PTPN11: variants seen among roughly 807,000 people sequenced by gnomAD.
PTPN11 encodes tyrosine-protein phosphatase non-receptor type 11.
A neutral mutation model predicts 78.8 loss-of-function variants in PTPN11; 6 were observed. That is an observed-to-expected ratio of 0.08 (90% confidence interval 0.04 to 0.15). PTPN11 has a LOEUF of 0.15. Ranked by LOEUF, PTPN11 falls within the 10% of genes least tolerant of loss-of-function variation. PTPN11 has a pLI of 1.00. For synonymous variants in PTPN11, 221 were observed against 263.5 expected, an observed-to-expected ratio of 0.84 and a Z score of 1.56; for missense variants, 386 against 744.8, an observed-to-expected ratio of 0.52 and a Z score of 5.61.
Position 112,477,656 on chromosome 12 carries a change from C to A in PTPN11, c.859C>A (p.His287Asn). Residue 287 changes from histidine to asparagine, a missense_variant, in exon 8 of 16, where the codon CAT becomes AAT. His to Asn is a moderately conservative substitution (Grantham distance 68). This residue lies in a region of PTPN11 where 279 missense variants were observed against 503.3 expected (regional missense o/e 0.55). Coordinates refer to ENST00000351677, the MANE Select transcript of PTPN11 (RefSeq NM_002834.5). Reference protein sequence around the residue: ...NRYKNILPFDHTRVVLHDGDP... With the variant: ...NRYKNILPFDNTRVVLHDGDP... Reference sequence around the variant, plus strand: ...GTGGTCTCTTTTTCTTCTAGTTGATCATACCAGGGTTGTCCTACACGATGG... The same window carrying A: ...GTGGTCTCTTTTTCTTCTAGTTGATAATACCAGGGTTGTCCTACACGATGG... 1 of 1,610,754 alleles carries A rather than the reference C, an allele frequency of 6.2e-7. No homozygotes were observed. Among genetic ancestry groups the A allele is most frequent in the South Asian group, 1.1e-5 (1 of 90,976 alleles).
rs970409264 is a variant in PTPN11 at position 112,504,836 on chromosome 12, T to C, written c.*32+40T>C. 90 of 1,269,742 alleles carry C rather than the reference T, an allele frequency of 7.1e-5. No individual in the cohort carries two copies. Among genetic ancestry groups the C allele is most frequent in the Non-Finnish European group, 7.2e-5 (63 of 879,668 alleles). The allele number at this position is 1,269,742 out of a possible 1,614,324, so 78.7% of individuals were successfully genotyped here. ...GTGCTCTATTGGTTAATTGTTTATATAATTGGCAGTATTTTTAAGCAGGCA... is the reference window on the plus strand; with the variant it reads ...GTGCTCTATTGGTTAATTGTTTATACAATTGGCAGTATTTTTAAGCAGGCA... On this transcript the variant is annotated intron_variant, in intron 15 of 15. Coordinates refer to ENST00000351677, the MANE Select transcript of PTPN11 (RefSeq NM_002834.5). The surrounding 1 kb of genome is among the most constrained non-coding windows in gnomAD (Gnocchi z 4.7).
At chr12:112,503,848 T>A (rs1402813204) in intron 14 of PTPN11, among the ~76,000 whole-genome samples, 1 of 152,164 alleles carries the variant, frequency 6.6e-6, no homozygotes, top group Non-Finnish European at 1.5e-5. Flanking sequence ...CTGGGTTCCT[T>A]ACTCTCCTGG....
At chr12:112,468,711 G>T (rs1392917844) in intron 6 of PTPN11, among the ~76,000 whole-genome samples, 1 of 152,162 alleles carries the variant, frequency 6.6e-6, no homozygotes, top group Non-Finnish European at 1.5e-5. Context: ...CATCTTGACT[G>T]TGCACTGTTC....
chr12:112,471,338 C>T (rs1400942930), intron 6 of PTPN11, among the ~76,000 whole-genome samples: 6 of 151,388 alleles, frequency 4.0e-5, no homozygotes, highest in Admixed American at 4.0e-4. Flanking sequence ...TCCCATTAAA[C>T]ACTAGGCTTT....
Position 112,468,283 on chromosome 12 carries a change from G to A in PTPN11, c.757-4661G>A, listed in dbSNP as rs77664489. ...CCTAGGGACTGCTGGTGGGAGGGAG[G>A]TTGTGGAAGATAAACCCTGACAGGA... On this transcript the variant is annotated intron_variant, in intron 6 of 15. Transcript: ENST00000351677. Among the ~76,000 whole-genome samples the A allele has an allele frequency of 5.9e-3, 893 of 152,286 alleles. 11 individuals carry two copies. The highest frequency in any genetic ancestry group is 0.02 in the African/African-American group (842 of 41,556).
chr12:112,493,545 T>C (rs1247617726), intron 13 of PTPN11, among the ~76,000 whole-genome samples: 1 of 151,768 alleles, frequency 6.6e-6, no homozygotes, highest in Non-Finnish European at 1.5e-5. Flanking sequence ...CCCGCCACCA[T>C]GCCTGGCTAA....
At chr12:112,424,589 A>G (rs2037576314) in intron 1 of PTPN11, among the ~76,000 whole-genome samples, 1 of 152,106 alleles carries the variant, frequency 6.6e-6, no homozygotes. Context: ...GTTTTTGTTT[A>G]TTGCCTTGTC....
At chr12:112,473,808 G>T (rs547541765) in intron 7 of PTPN11, among the ~76,000 whole-genome samples, 283 of 151,542 alleles carry the variant, frequency 1.9e-3, no homozygotes, top group Non-Finnish European at 2.4e-3. Context: ...ATGTGCCATT[G>T]CACTCCAGCC....
At position 112,424,956 on chromosome 12, in the gene PTPN11, TTGTGTGTGTGTGTGTGTGTGTG is replaced by T. The variant is rs34463047; in HGVS notation, c.14+5863_14+5884del. 9.9e-3 allele frequency among the ~76,000 whole-genome samples: 881 copies of T among 89,084 alleles called. 12 individuals are homozygous for T. Among genetic ancestry groups the T allele is most frequent in the African/African-American group, 0.025 (589 of 23,542 alleles). The allele number at this position is 89,084 out of a possible 152,430, so 58.4% of individuals were successfully genotyped here. The stretch of plus-strand genomic sequence containing the variant: ...GGCACACACCACCATGTCAGGCTAA[TTGTGTGTGTGTGTGTGTGTGTG>T]TGTGTGTGTGTGTGTGTGTGTGTGT... On this transcript the variant is annotated intron_variant, in intron 1 of 15. Coordinates refer to ENST00000351677, the MANE Select transcript of PTPN11 (RefSeq NM_002834.5).
Position 112,508,543 on chromosome 12 carries a change from G to A in PTPN11, c.*2751G>A, listed in dbSNP as rs2038963496. ...AAGTCGGTGTGACAGACACATGGATGCCATCTACTTCTAGGTTGCTGGTGG... is the reference window on the plus strand; with the variant it reads ...AAGTCGGTGTGACAGACACATGGATACCATCTACTTCTAGGTTGCTGGTGG... On this transcript the variant is annotated 3_prime_UTR_variant, in exon 16 of 16. Transcript: ENST00000351677. 2.0e-5 allele frequency: 3 copies of A among 152,338 alleles called. No individual in the cohort carries two copies. The highest frequency in any genetic ancestry group is 7.2e-5 in the African/African-American group (3 of 41,454). 9.4% of individuals were successfully genotyped at this position (152,338 alleles called of 1,614,324 possible).
intron 6 of PTPN11, among the ~76,000 whole-genome samples, chr12:112,461,563 G>A (rs2038249327): frequency 6.6e-6 from 1 of 152,062 alleles, no homozygotes; most frequent in Non-Finnish European, 1.5e-5. Flanking sequence ...CTGGGCTCAA[G>A]CAATCTTTCT....
chr12:112,473,164 G>A, intron 7 of PTPN11, 124 bp downstream of exon 7: 1 of 783,790 alleles, frequency 1.3e-6, no homozygotes, highest in Non-Finnish European at 2.2e-6. Context: ...TTCTTTAATT[G>A]CAAGCAGTTT....
intron 6 of PTPN11, chr12:112,457,499 G>C (rs1297576025): frequency 6.1e-6 from 1 of 163,136 alleles, no homozygotes; most frequent in Non-Finnish European, 1.3e-5. Context: ...TGTCTTTATA[G>C]TAGAATGTTT....
intron 1 of PTPN11, among the ~76,000 whole-genome samples, chr12:112,423,735 A>G (rs1002173017): frequency 2.0e-5 from 3 of 151,102 alleles, no homozygotes; most frequent in Non-Finnish European, 2.9e-5. Context: ...ACACACATAC[A>G]ATGTCTTTTT....
At chr12:112,467,696 T>C (rs1592839924) in intron 6 of PTPN11, among the ~76,000 whole-genome samples, 1 of 152,120 alleles carries the variant, frequency 6.6e-6, no homozygotes, top group South Asian at 2.1e-4. Flanking sequence ...GGTTTCACCA[T>C]GTTGGCCAGG....
At chr12:112,481,681 C>A (rs184912150) in intron 9 of PTPN11, among the ~76,000 whole-genome samples, 2 of 152,164 alleles carry the variant, frequency 1.3e-5, no homozygotes, top group African/African-American at 4.8e-5. Flanking sequence ...TTAGTAGAGA[C>A]ACGGTTTCAC....
At chr12:112,486,944 C>T (rs2038687575) in intron 11 of PTPN11, 14 of 1,327,054 alleles carry the variant, frequency 1.1e-5, no homozygotes, top group South Asian at 1.6e-5. Flanking sequence ...TCTCCTTATT[C>T]TTCATGATGT....
chr12:112,471,904 C>T (rs1311578941), intron 6 of PTPN11, among the ~76,000 whole-genome samples: 1 of 152,064 alleles, frequency 6.6e-6, no homozygotes, highest in Non-Finnish European at 1.5e-5. Flanking sequence ...AGGGGTGTGC[C>T]ATCACACCTG....
rs372537573 is a variant in PTPN11 at position 112,452,599 on chromosome 12, C to T, written c.333-596C>T. On this transcript the variant is annotated intron_variant, in intron 3 of 15. Transcript: ENST00000351677. ...CTGGAGTGCGGTGGCATGATCATAGCGCACTGCAGCCTCGACCTCCTGGAC... is the reference window on the plus strand; with the variant it reads ...CTGGAGTGCGGTGGCATGATCATAGTGCACTGCAGCCTCGACCTCCTGGAC... Among the ~76,000 whole-genome samples the T allele has an allele frequency of 2.0e-5, 3 of 151,842 alleles. No individual in the cohort carries two copies. The East Asian group carries it at 5.8e-4, about 29-fold the overall frequency.
Sources: allele counts gnomAD v4.1 joint callset (sites outside exome capture counted in the v4.1 genomes callset), GRCh38; gene constraint gnomAD v4.1.1; regional missense constraint gnomAD v4.1.1; non-coding constraint Gnocchi (gnomAD v3.1); transcripts MANE v1.5; gene names NCBI Gene and HGNC (gene_info 2026-07-23, HGNC 2026-07-21).